Variants in CFAP299 observed in about 807,000 individuals in gnomAD.
CFAP299 encodes cilia- and flagella-associated protein 299.
CFAP299 carries 21 observed loss-of-function variants against 27.0 expected under a neutral mutation model. The ratio of observed to expected loss-of-function variants is 0.78; its 90% CI spans 0.55 to 1.12. CFAP299 has a LOEUF of 1.12. Among genes scored for constraint, CFAP299 ranks in the 50% most tolerant of loss-of-function variants. The probability of loss-of-function intolerance (pLI) is 0.00; values close to 1 mark genes in which losing one functional copy is unlikely to be tolerated. For missense variants in CFAP299, 310 were observed against 276.6 expected (o/e 1.12, Z -0.86); for synonymous variants, 104 against 98.1 (o/e 1.06, Z -0.36).
intron 2 of CFAP299, among the ~76,000 whole-genome samples, chr4:80,402,779 C>A (rs1726228517): frequency 6.6e-6 from 1 of 152,174 alleles, no homozygotes; most frequent in African/African-American, 2.4e-5. Context: ...AATATATAAT[C>A]TATCTTCAGA....
At chr4:80,901,193 C>T (rs562163917) in intron 4 of CFAP299, among the ~76,000 whole-genome samples, 3 of 152,202 alleles carry the variant, frequency 2.0e-5, no homozygotes, top group South Asian at 2.1e-4. Flanking sequence ...AAAAATATAC[C>T]TATCACAATC....
intron 3 of CFAP299, among the ~76,000 whole-genome samples, chr4:80,748,795 C>A (rs1258262407): frequency 6.6e-6 from 1 of 152,110 alleles, no homozygotes; most frequent in Non-Finnish European, 1.5e-5. Context: ...ACTGGCTTTG[C>A]CCTGACATAA....
Position 80,396,338 on chromosome 4 carries a change from C to T in CFAP299, c.242+33454C>T, listed in dbSNP as rs183863316. On this transcript the variant is annotated intron_variant, in intron 2 of 5. Coordinates refer to ENST00000358105, the MANE Select transcript of CFAP299 (RefSeq NM_152770.3). ...AATTTCTTCCAGTTTTTTTATGAGC[C>T]GGCTCAGTATACCATAACAGCAAAC... Among the ~76,000 whole-genome samples, 247 of 151,974 alleles carry T rather than the reference C, an allele frequency of 1.6e-3. 1 individual carries two copies. The highest frequency in any genetic ancestry group is 5.5e-3 in the African/African-American group (230 of 41,456).
chr4:80,784,881 AC>A (rs1228216922), intron 3 of CFAP299, among the ~76,000 whole-genome samples: 1 of 152,078 alleles, frequency 6.6e-6, no homozygotes, highest in Non-Finnish European at 1.5e-5. Context: ...TTTGCCCATT[AC>A]TTAATCAGGT....
chr4:80,845,644 A>G (rs1196986919), intron 3 of CFAP299, among the ~76,000 whole-genome samples: 3 of 152,100 alleles, frequency 2.0e-5, no homozygotes. Flanking sequence ...TTCAAGTTTC[A>G]AGTAAAACAA....
chr4:80,674,437 C>T (rs928873335), intron 3 of CFAP299, among the ~76,000 whole-genome samples: 1 of 152,180 alleles, frequency 6.6e-6, no homozygotes, highest in Non-Finnish European at 1.5e-5. Flanking sequence ...TGACCTTTCT[C>T]TCTGGCTGCC....
At chr4:80,555,576 C>T (rs145002638) in intron 2 of CFAP299, among the ~76,000 whole-genome samples, 118 of 152,068 alleles carry the variant, frequency 7.8e-4, no homozygotes, top group African/African-American at 2.7e-3. Flanking sequence ...GGGATAATAC[C>T]AGAACTTATT....
chr4:80,783,629 A>G (rs1279977207), intron 3 of CFAP299, among the ~76,000 whole-genome samples: 1 of 152,194 alleles, frequency 6.6e-6, no homozygotes. Flanking sequence ...GGCTAAAAGC[A>G]ATATATCATT....
chr4:80,885,545 G>A (rs1733930746), intron 4 of CFAP299, among the ~76,000 whole-genome samples: 1 of 152,038 alleles, frequency 6.6e-6, no homozygotes. Flanking sequence ...AGTGGGATAG[G>A]GAAACAGGCA....
chr4:80,728,564 C>T (rs1723292618), intron 3 of CFAP299, among the ~76,000 whole-genome samples: 2 of 152,118 alleles, frequency 1.3e-5, no homozygotes, highest in Non-Finnish European at 2.9e-5. Context: ...CCAAAATAAT[C>T]TTATTAACCA....
intron 2 of CFAP299, among the ~76,000 whole-genome samples, chr4:80,459,370 G>A (rs1279144402): frequency 6.6e-6 from 1 of 152,138 alleles, no homozygotes; most frequent in Admixed American, 6.6e-5. Flanking sequence ...GGAAGAATCA[G>A]GGGAGAAGGG....
intron 2 of CFAP299, among the ~76,000 whole-genome samples, chr4:80,417,164 A>T (rs900975947): frequency 3.3e-5 from 5 of 152,204 alleles, no homozygotes; most frequent in Non-Finnish European, 7.3e-5. Flanking sequence ...TGATGTTGCC[A>T]TGGCATTTGT....
intron 3 of CFAP299, among the ~76,000 whole-genome samples, chr4:80,786,961 T>C (rs1461770892): frequency 1.3e-5 from 2 of 152,064 alleles, no homozygotes; most frequent in East Asian, 1.9e-4. Flanking sequence ...CAAACAAATA[T>C]ATCCTTCTGA....
At chr4:80,373,719 TA>T (rs1017433984) in intron 2 of CFAP299, among the ~76,000 whole-genome samples, 1 of 152,168 alleles carries the variant, frequency 6.6e-6, no homozygotes, top group African/African-American at 2.4e-5. Flanking sequence ...CCTGGTGTCT[TA>T]TGGTTAAGTT....
At chr4:80,322,981 C>T in the CFAP299 span, among the ~76,000 whole-genome samples, 7 of 152,104 alleles carry the variant, frequency 4.6e-5, no homozygotes, top group Non-Finnish European at 8.8e-5. Context: ...ATGTATTACT[C>T]AGAGAAAGAT....
intron 2 of CFAP299, among the ~76,000 whole-genome samples, chr4:80,484,378 G>A (rs1730711597): frequency 6.6e-6 from 1 of 152,062 alleles, no homozygotes; most frequent in South Asian, 2.1e-4. Context: ...CTGGCGGTTA[G>A]CAATTTAGAA....
intron 2 of CFAP299, among the ~76,000 whole-genome samples, chr4:80,512,107 T>C (rs1420765361): frequency 6.6e-6 from 1 of 152,144 alleles, no homozygotes; most frequent in African/African-American, 2.4e-5. Flanking sequence ...AACACTTTTA[T>C]TTGTGCGAAA....
At chr4:80,514,554 C>T (rs1732488627) in intron 2 of CFAP299, among the ~76,000 whole-genome samples, 1 of 151,994 alleles carries the variant, frequency 6.6e-6, no homozygotes, top group African/African-American at 2.4e-5. Flanking sequence ...CAAGCCCTTA[C>T]CAAATAAAAA....
intron 1 of CFAP299, among the ~76,000 whole-genome samples, chr4:80,344,055 A>C (rs1722603063): frequency 6.6e-6 from 1 of 152,104 alleles, no homozygotes; most frequent in African/African-American, 2.4e-5. Flanking sequence ...AAAAGATCTC[A>C]AGTTAACAAC....
Sources: gnomAD v4.1 joint callset for allele counts (sites outside exome capture counted in the v4.1 genomes callset) on GRCh38, gnomAD v4.1.1 for gene constraint, MANE v1.5 for transcripts, NCBI Gene and HGNC (gene_info 2026-07-23, HGNC 2026-07-21) for gene names.